The following AQP8 variants were observed in gnomAD, a reference collection of about 807,000 sequenced individuals.
AQP8 encodes the protein aquaporin 8, also known as aquaporin-8.
A neutral mutation model predicts 26.1 loss-of-function variants in AQP8; 14 were observed. That is an observed-to-expected ratio of 0.54 (90% CI 0.35 to 0.84). The LOEUF (loss-of-function observed/expected upper bound fraction) is 0.84, where lower values mean the gene tolerates loss of function less well. AQP8 is among the 40% of genes least tolerant of loss of function. AQP8 has a pLI of 0.01. For missense variants in AQP8, 301 were observed against 340.5 expected (o/e 0.88, Z 0.91); for synonymous variants, 131 against 150.7 (o/e 0.87, Z 0.96).
intron 5 of AQP8, among the ~76,000 whole-genome samples, chr16:25,227,572 C>T (rs544696566): frequency 6.6e-4 from 101 of 152,160 alleles, no homozygotes; most frequent in Non-Finnish European, 9.0e-4. Flanking sequence ...TTATTGCAAC[C>T]TCCGCCCCCG....
chr16:25,221,368 C>T (rs1962559764), intron 2 of AQP8, 89 bp from the exon 3 acceptor site: 1 of 1,535,176 alleles, frequency 6.5e-7, no homozygotes, highest in Admixed American at 1.8e-5. Context: ...AGAGGCCAGC[C>T]TGGTGGGTTG....
intron 2 of AQP8, among the ~76,000 whole-genome samples, chr16:25,220,013 T>C (rs1039881431): frequency 2.0e-5 from 3 of 150,824 alleles, no homozygotes; most frequent in African/African-American, 7.4e-5. Flanking sequence ...CCAGCCTGGG[T>C]GACAAAGGGA....
At chr16:25,219,852 C>A (rs1369020298) in intron 2 of AQP8, among the ~76,000 whole-genome samples, 1 of 151,706 alleles carries the variant, frequency 6.6e-6, no homozygotes, top group Non-Finnish European at 1.5e-5. Flanking sequence ...ACCTGGCCAA[C>A]ATGGTGAAAC....
chr16:25,218,295 A>G (rs1962514345), intron 2 of AQP8, among the ~76,000 whole-genome samples: 1 of 152,218 alleles, frequency 6.6e-6, no homozygotes. Context: ...CTGGGTATGC[A>G]GAGATCTGCA....
chr16:25,227,023 G>A (rs201948371), intron 4 of AQP8, 45 bp from the exon 5 acceptor site: 3 of 1,612,326 alleles, frequency 1.9e-6, no homozygotes, highest in Non-Finnish European at 8.5e-7. Context: ...GGTGAGGTGG[G>A]GTTTGGCTGG....
At chr16:25,219,009 T>C (rs968457182) in intron 2 of AQP8, among the ~76,000 whole-genome samples, 1 of 151,560 alleles carries the variant, frequency 6.6e-6, no homozygotes, top group Non-Finnish European at 1.5e-5. Flanking sequence ...AGGCAACCTT[T>C]ATCACTTCTT....
chr16:25,218,695 C>T (rs1962519522), intron 2 of AQP8, among the ~76,000 whole-genome samples: 1 of 152,094 alleles, frequency 6.6e-6, no homozygotes, highest in Admixed American at 6.5e-5. Context: ...GCCTGGCCAA[C>T]AGGGTGAAAC....
intron 5 of AQP8, 106 bp from the exon 6 acceptor site, chr16:25,228,338 G>T: frequency 2.0e-6 from 2 of 983,998 alleles, no homozygotes; most frequent in East Asian, 2.4e-5. Flanking sequence ...TAAGGCTGGG[G>T]AGGCTCAGGA....
Position 25,228,650 on chromosome 16 carries a change from G to A in AQP8, c.*158G>A. The A allele has an allele frequency of 1.5e-6, 1 of 676,976 alleles. No homozygotes were observed. The highest frequency in any genetic ancestry group is 1.8e-5 in the South Asian group (1 of 55,034). 41.9% of individuals were successfully genotyped at this position (676,976 alleles called of 1,614,324 possible). A position where few individuals can be genotyped will look rare whatever the true frequency, so the allele number is the denominator to read the frequency against. On this transcript the variant is annotated 3_prime_UTR_variant, in exon 6 of 6. Transcript: ENST00000219660. Reference sequence around the variant, plus strand: ...GCCTGCTTTCTCAGATAGACTGACTGCTGAGGAGGCTCTAGGTTCTTGGAA... The same window carrying A: ...GCCTGCTTTCTCAGATAGACTGACTACTGAGGAGGCTCTAGGTTCTTGGAA...
In AQP8 at chr16:25,217,317, C is replaced by T. The variant is rs553498832; in HGVS notation, c.132C>T (p.Gly44=). ...FVQPCLVELL[G]SALFIFIGCL... is the part of the protein sequence containing the mutation. ...AGCCATGTCTGGTCGAACTGCTGGG[C>T]TCTGCTCTCTTCATCTTCATCGGGT... Residue 44 remains glycine (G), a synonymous_variant, in exon 2 of 6, where the codon GGC becomes GGT. Coordinates refer to ENST00000219660, the MANE Select transcript of AQP8 (RefSeq NM_001169.3). 6.2e-7 allele frequency: 1 copy of T among 1,614,190 alleles called. No individual in the cohort carries two copies. The highest frequency in any genetic ancestry group is 1.3e-5 in the African/African-American group (1 of 75,048).
rs914759939 is a variant in AQP8 at position 25,217,272 on chromosome 16, C to T, written c.87C>T (p.Ser29=). 1 of 1,614,052 alleles carries T rather than the reference C, an allele frequency of 6.2e-7. No homozygotes were observed. The highest frequency in any genetic ancestry group is 1.3e-5 in the African/African-American group (1 of 74,926). ...EPSVGGRWRV[S]WYERFVQPCL... ...GCGTGGGTGGCAGGTGGCGAGTGTC[C>T]TGGTACGAACGGTTTGTGCAGCCAT... The change falls in exon 2 of 6, where the codon TCC becomes TCT. Residue 29 remains serine (S), a synonymous_variant. Transcript: ENST00000219660.
At chr16:25,227,538 G>A (rs1379808762) in intron 5 of AQP8, among the ~76,000 whole-genome samples, 2 of 152,096 alleles carry the variant, frequency 1.3e-5, no homozygotes, top group Non-Finnish European at 2.9e-5. Context: ...TGCCCAGGCT[G>A]GAGTGCAGTG....
In AQP8 at chr16:25,217,025, TG is replaced by T; in HGVS notation, c.-20del. On this transcript the variant is annotated 5_prime_UTR_variant, in exon 1 of 6. The change abolishes an upstream ATG in the 5' untranslated region. Transcript: ENST00000219660. ...CCCAGCAGCTCAGGCAAGAGTCCGA[TG>T]TTTGTGCCATCTGATCCTGATGTCT... 6.2e-7 allele frequency: 1 copy of T among 1,613,906 alleles called. No homozygotes were observed. The highest frequency in any genetic ancestry group is 8.5e-7 in the Non-Finnish European group (1 of 1,180,008).
Position 25,224,362 on chromosome 16 carries a change from G to C in AQP8, c.388G>C (p.Ala130Pro). Residue 130 changes from alanine to proline, a missense_variant and splice_region_variant, in exon 4 of 6, where the codon GCG becomes CCG. Transcript: ENST00000219660. ...GGMLGAALAK[A>P]VSPEERFWNA... is the part of the protein sequence containing the mutation. The stretch of plus-strand genomic sequence containing the variant: ...GAGGCTCAGCAGCTTCTCTGTGCAG[G>C]CGGTGAGTCCTGAGGAGAGGTTCTG... The C allele has an allele frequency of 1.9e-6, 3 of 1,610,356 alleles. No homozygotes were observed. Among genetic ancestry groups the C allele is most frequent in the Non-Finnish European group, 2.5e-6 (3 of 1,177,750 alleles).
intron 5 of AQP8, 125 bp downstream of exon 5, chr16:25,227,327 G>C: frequency 1.6e-6 from 2 of 1,255,760 alleles, no homozygotes; most frequent in African/African-American, 3.0e-5. Context: ...AGCCTCTTTA[G>C]AGGCAAAGAA....
rs191241841 is a variant in AQP8 at position 25,225,830 on chromosome 16, G to C, written c.603-1238G>C. 5.3e-5 allele frequency among the ~76,000 whole-genome samples: 8 copies of C among 152,340 alleles called. No individual in the cohort carries two copies. In the East Asian group the frequency reaches 1.5e-3, roughly 29 times the overall value. Reference sequence around the variant, plus strand: ...ACGAGAGGAGTGCACCTGGGGAAGAGTCTCCCTGTAGGATTCTGGGTCTTA... The same window carrying C: ...ACGAGAGGAGTGCACCTGGGGAAGACTCTCCCTGTAGGATTCTGGGTCTTA... On this transcript the variant is annotated intron_variant, in intron 4 of 5. Transcript: ENST00000219660.
chr16:25,219,068 A>T (rs953913975), intron 2 of AQP8, among the ~76,000 whole-genome samples: 2 of 151,414 alleles, frequency 1.3e-5, no homozygotes, highest in Admixed American at 1.3e-4. Flanking sequence ...GCAGTGGTAT[A>T]AATATGAGTA....
chr16:25,228,264 A>G lies in AQP8; in HGVS notation c.738-180A>G, dbSNP rs114447936. On this transcript the variant is annotated intron_variant, in intron 5 of 5. Transcript: ENST00000219660. ...CCTGGGTGAGTGAGACTCTGTCTCA[A>G]TTAAAAAAAAAAAAAGAAACCAAGC... is the stretch of plus-strand genomic sequence containing the variant. 3.2e-3 allele frequency among the ~76,000 whole-genome samples: 489 copies of G among 151,140 alleles called. 2 individuals carry two copies. The highest frequency in any genetic ancestry group is 0.011 in the African/African-American group (460 of 40,980).
intron 2 of AQP8, among the ~76,000 whole-genome samples, 164 bp downstream of exon 2, chr16:25,217,609 C>T (rs553369657): frequency 2.6e-5 from 4 of 152,356 alleles, no homozygotes; most frequent in South Asian, 4.1e-4. Context: ...CTCCAGACCC[C>T]GCAGCCTGTG....
Sources: allele counts gnomAD v4.1 joint callset (sites outside exome capture counted in the v4.1 genomes callset), GRCh38; gene constraint gnomAD v4.1.1; transcripts MANE v1.5; gene names NCBI Gene and HGNC (gene_info 2026-07-23, HGNC 2026-07-21).